GALNT13: variants seen among roughly 807,000 people sequenced by gnomAD.
GALNT13 encodes UDP-GalNAc:polypeptide N-acetylgalactosaminyltransferase 13.
GALNT13 carries 28 observed loss-of-function variants against 64.2 expected under a neutral mutation model. The ratio of observed to expected loss-of-function variants is 0.44; its 90% CI spans 0.32 to 0.60. The LOEUF is 0.60. GALNT13 is among the 20% of genes least tolerant of loss of function. GALNT13 has a pLI of 0.05. For synonymous variants in GALNT13, 214 were observed against 224.6 expected (o/e 0.95, Z 0.42); for missense variants, 577 against 669.8 (o/e 0.86, Z 1.53).
chr2:153,268,805 C>G, the GALNT13 span, among the ~76,000 whole-genome samples: 1 of 152,184 alleles, frequency 6.6e-6, no homozygotes, highest in Non-Finnish European at 1.5e-5. Context: ...TGGAAGCCAC[C>G]AAGGCTTGGG....
chr2:153,088,265 T>C, the GALNT13 span, among the ~76,000 whole-genome samples: 4,499 of 152,170 alleles, frequency 0.03, 235 homozygotes, highest in African/African-American at 0.1. Context: ...TATGTATATG[T>C]ATAGTTTTAG....
At chr2:153,676,875 A>G in the GALNT13 span, among the ~76,000 whole-genome samples, 1 of 152,144 alleles carries the variant, frequency 6.6e-6, no homozygotes, top group Non-Finnish European at 1.5e-5. Flanking sequence ...GAAGGAACAT[A>G]ACTCAAAATA....
the GALNT13 span, among the ~76,000 whole-genome samples, chr2:153,526,489 C>T: frequency 6.6e-6 from 1 of 152,218 alleles, no homozygotes; most frequent in Non-Finnish European, 1.5e-5. Context: ...ATCAGTGTTA[C>T]TAGGCTTGGG....
At chr2:153,284,090 G>T in the GALNT13 span, among the ~76,000 whole-genome samples, 1 of 152,206 alleles carries the variant, frequency 6.6e-6, no homozygotes, top group Non-Finnish European at 1.5e-5. Flanking sequence ...GGGCAGCTCA[G>T]ACTGCTGATT....
chr2:153,995,371 A>G (rs1461694234), intron 3 of GALNT13, among the ~76,000 whole-genome samples: 1 of 152,160 alleles, frequency 6.6e-6, no homozygotes, highest in Non-Finnish European at 1.5e-5. Flanking sequence ...ACATAAAAAT[A>G]AATACCACTG....
At chr2:153,908,389 G>T (rs1688722067) in intron 2 of GALNT13, among the ~76,000 whole-genome samples, 1 of 152,090 alleles carries the variant, frequency 6.6e-6, no homozygotes, top group South Asian at 2.1e-4. Flanking sequence ...AAGCTCTTCA[G>T]TTGAGTTAGA....
intron 2 of GALNT13, among the ~76,000 whole-genome samples, chr2:153,919,421 T>C: frequency 6.6e-6 from 1 of 152,058 alleles, no homozygotes; most frequent in East Asian, 1.9e-4. Context: ...CTGTTATAAA[T>C]AATTAAAATA....
chr2:153,906,366 G>A, intron 2 of GALNT13, among the ~76,000 whole-genome samples: 1 of 149,506 alleles, frequency 6.7e-6, no homozygotes, highest in Non-Finnish European at 1.5e-5. Context: ...TTTAGCATTA[G>A]GTATATCTCC....
chr2:153,838,333 G>A, the GALNT13 span, among the ~76,000 whole-genome samples: 3 of 151,934 alleles, frequency 2.0e-5, no homozygotes, highest in South Asian at 2.1e-4. Context: ...CCAGACCAAT[G>A]TCATGTGGTT....
At position 154,435,325 on chromosome 2, in the gene GALNT13, T is replaced by C. The variant is rs556721320; in HGVS notation, c.1396-3267T>C. On this transcript the variant is annotated intron_variant, in intron 11 of 12. Coordinates refer to ENST00000392825, the MANE Select transcript of GALNT13 (RefSeq NM_052917.4). ...TGATAGTTTAAGGTAAAGTGCTTCA[T>C]TGGTGTGCAGGTTAGAAATATTTTA... is the stretch of plus-strand genomic sequence containing the variant. Among the ~76,000 whole-genome samples the C allele has an allele frequency of 3.3e-5, 5 of 152,334 alleles. No individual in the cohort carries two copies. In the South Asian group the frequency reaches 6.2e-4, roughly 19 times the overall value.
At chr2:153,818,618 G>A in the GALNT13 span, among the ~76,000 whole-genome samples, 2 of 152,124 alleles carry the variant, frequency 1.3e-5, no homozygotes, top group African/African-American at 4.8e-5. Flanking sequence ...CTTTTCTCTG[G>A]TACAAAACTC....
At chr2:153,168,225 G>A in the GALNT13 span, among the ~76,000 whole-genome samples, 4 of 152,142 alleles carry the variant, frequency 2.6e-5, no homozygotes, top group Non-Finnish European at 5.9e-5. Context: ...TCTTGTCAGA[G>A]TATAGAACAG....
At chr2:153,834,315 C>A in the GALNT13 span, among the ~76,000 whole-genome samples, 4 of 152,164 alleles carry the variant, frequency 2.6e-5, no homozygotes, top group East Asian at 7.7e-4. Context: ...ATGAAGGAGG[C>A]CAGATTAAAC....
the GALNT13 span, among the ~76,000 whole-genome samples, chr2:153,422,768 TAA>T: frequency 6.6e-6 from 1 of 151,912 alleles, no homozygotes; most frequent in Non-Finnish European, 1.5e-5. Flanking sequence ...CAAGAATAAA[TAA>T]AAGTCTGAGT....
At chr2:153,977,329 A>G (rs779527066) in intron 3 of GALNT13, among the ~76,000 whole-genome samples, 1 of 152,208 alleles carries the variant, frequency 6.6e-6, no homozygotes, top group African/African-American at 2.4e-5. Context: ...TGGACAATTT[A>G]TAAAGGAAAG....
At chr2:153,261,105 CCT>C in the GALNT13 span, among the ~76,000 whole-genome samples, 1 of 151,776 alleles carries the variant, frequency 6.6e-6, no homozygotes, top group Non-Finnish European at 1.5e-5. Context: ...GAATTCATCC[CCT>C]GTGTTATCTT....
chr2:153,924,822 C>CT (rs1403511777), intron 2 of GALNT13, among the ~76,000 whole-genome samples: 1 of 152,042 alleles, frequency 6.6e-6, no homozygotes, highest in Non-Finnish European at 1.5e-5. Context: ...TGACGTTGAG[C>CT]TTTTTTTCAT....
the GALNT13 span, among the ~76,000 whole-genome samples, chr2:153,301,877 TTG>T: frequency 0.029 from 4,212 of 146,058 alleles, 65 homozygotes; most frequent in East Asian, 0.052. Context: ...GTATTCCACT[TTG>T]TGTGTGTGTG....
the GALNT13 span, among the ~76,000 whole-genome samples, chr2:153,345,651 C>CTTTCTTTCTTTG: frequency 1.5e-5 from 2 of 129,522 alleles, no homozygotes; most frequent in African/African-American, 6.0e-5. Flanking sequence ...TTCTTTCTTT[C>CTTTCTTTCTTTG]TTTCTTTCTT....
Sources: gnomAD v4.1 joint callset for allele counts (sites outside exome capture counted in the v4.1 genomes callset) on GRCh38, gnomAD v4.1.1 for gene constraint, MANE v1.5 for transcripts, NCBI Gene and HGNC (gene_info 2026-07-23, HGNC 2026-07-21) for gene names.